Variants in NMRK1 observed in about 807,000 individuals in gnomAD.
NMRK1 encodes the protein NRK 1.
A neutral mutation model predicts 29.9 loss-of-function variants in NMRK1; 28 were observed. That is an observed-to-expected ratio of 0.94 (90% CI 0.69 to 1.28). NMRK1 has a LOEUF of 1.28. Among genes scored for constraint, NMRK1 ranks in the 50% most tolerant of loss-of-function variants. NMRK1 has a pLI of 0.00. For synonymous variants in NMRK1, 58 were observed against 73.0 expected, an observed-to-expected ratio of 0.79 and a Z score of 1.05; for missense variants, 218 against 233.1, an observed-to-expected ratio of 0.94 and a Z score of 0.42.
chr9:75,063,794 G>A (rs1370037953), intron 8 of NMRK1, among the ~76,000 whole-genome samples: 1 of 152,186 alleles, frequency 6.6e-6, no homozygotes, highest in Admixed American at 6.5e-5. Context: ...AGGCTATGCT[G>A]AGGGTACCTT....
chr9:75,065,674 T>G (rs1885468), intron 8 of NMRK1, among the ~76,000 whole-genome samples: 73,145 of 151,842 alleles, frequency 0.48, 18,373 homozygotes, highest in African/African-American at 0.62. Flanking sequence ...ACAAGATGGG[T>G]TATGTGATGT....
intron 4 of NMRK1, among the ~76,000 whole-genome samples, chr9:75,070,694 G>A (rs1042124510): frequency 3.3e-5 from 5 of 152,180 alleles, no homozygotes; most frequent in Admixed American, 6.5e-5. Context: ...CTCCACTCCA[G>A]AACTACTGAA....
In NMRK1 at chr9:75,065,402, A is replaced by G. The variant is rs561498403; in HGVS notation, c.580+1355T>C. ...CCAGGATGGTCTGGATCTCCTGACC[A>G]TCATGATCTGTCTGCCTCGGCCTCC... is the stretch of plus-strand genomic sequence containing the variant. On this transcript the variant is annotated intron_variant, in intron 8 of 8. Transcript: ENST00000361092. Among the ~76,000 whole-genome samples, 50 of 152,132 alleles carry G rather than the reference A, an allele frequency of 3.3e-4. 1 individual carries two copies. In the South Asian group the frequency reaches 9.1e-3, roughly 28 times the overall value.
chr9:75,066,036 C>T (rs1314685376), intron 8 of NMRK1, among the ~76,000 whole-genome samples: 2 of 152,172 alleles, frequency 1.3e-5, no homozygotes, highest in Non-Finnish European at 2.9e-5. Flanking sequence ...AAGCAGAGTC[C>T]TGAGGACCTT....
At chr9:75,077,386 C>G in intron 3 of NMRK1, 104 bp downstream of exon 3, 8 of 973,980 alleles carry the variant, frequency 8.2e-6, no homozygotes, top group Non-Finnish European at 1.3e-5. Context: ...AATTTCAATA[C>G]AAAACGTAAA....
chr9:75,066,520 A>C (rs1270651267), intron 8 of NMRK1, among the ~76,000 whole-genome samples: 1 of 152,200 alleles, frequency 6.6e-6, no homozygotes, highest in Non-Finnish European at 1.5e-5. Flanking sequence ...TAAATCACAT[A>C]AATAGCATTA....
chr9:75,064,263 AT>A (rs1306820471), intron 8 of NMRK1, among the ~76,000 whole-genome samples: 1 of 152,208 alleles, frequency 6.6e-6, no homozygotes, highest in Non-Finnish European at 1.5e-5. Context: ...TCACTTAGTC[AT>A]AAAGGAAAGC....
chr9:75,079,910 C>T (rs185808649), intron 2 of NMRK1, among the ~76,000 whole-genome samples: 47 of 152,290 alleles, frequency 3.1e-4, no homozygotes, highest in Non-Finnish European at 5.7e-4. Flanking sequence ...GCGTGCCCAG[C>T]ATGCATTCTG....
At chr9:75,082,383 A>G (rs1354376230) in intron 2 of NMRK1, among the ~76,000 whole-genome samples, 1 of 152,254 alleles carries the variant, frequency 6.6e-6, no homozygotes, top group Admixed American at 6.5e-5. Context: ...ATGTAATACC[A>G]TAACACAATG....
At chr9:75,085,726 GTTT>G (rs58741153) in intron 1 of NMRK1, among the ~76,000 whole-genome samples, 5 of 85,134 alleles carry the variant, frequency 5.9e-5, no homozygotes, top group African/African-American at 1.3e-4. Flanking sequence ...TCAAATGTAA[GTTT>G]TTTTTTTTTT....
chr9:75,069,016 T>C lies in NMRK1; in HGVS notation c.476A>G (p.Gln159Arg), dbSNP rs1387897964. ...CTTACCAACTTCCCATGTGATGTCC[T>C]GCATTTCTTGTCTGTACTTTAGATA... Reference protein sequence around the residue: ...PMYLKYRQEMQDITWEVVYLD... With the variant: ...PMYLKYRQEMRDITWEVVYLD... Residue 159 changes from glutamine (Q) to arginine (R), a missense_variant, in exon 7 of 9, where the codon CAG (glutamine) becomes CGG (arginine). Transcript: ENST00000361092. The C allele has an allele frequency of 1.2e-6, 2 of 1,613,678 alleles. No homozygotes were observed. The highest frequency in any genetic ancestry group is 8.5e-7 in the Non-Finnish European group (1 of 1,179,552).
intron 1 of NMRK1, among the ~76,000 whole-genome samples, chr9:75,083,739 G>A (rs1824455351): frequency 6.6e-6 from 1 of 152,288 alleles, no homozygotes; most frequent in Admixed American, 6.5e-5. Context: ...GGCCTGGCTA[G>A]GTACATTTTT....
Position 75,069,037 on chromosome 9 carries a change from A to G in NMRK1, c.455T>C (p.Leu152Pro). ...YFDGHVWPMY[L>P]KYRQEMQDIT... ...GTCCTGCATTTCTTGTCTGTACTTTAGATACATGGGCCACACATGGCCATC... is the reference window on the plus strand; with the variant it reads ...GTCCTGCATTTCTTGTCTGTACTTTGGATACATGGGCCACACATGGCCATC... The change falls in exon 7 of 9, where the codon CTA becomes CCA. Residue 152 changes from leucine (L) to proline (P), a missense_variant. Coordinates refer to ENST00000361092, the MANE Select transcript of NMRK1 (RefSeq NM_017881.3). 1 of 1,614,158 alleles carries G rather than the reference A, an allele frequency of 6.2e-7. No individual in the cohort carries two copies. The highest frequency in any genetic ancestry group is 8.5e-7 in the Non-Finnish European group (1 of 1,179,974).
At chr9:75,077,953 T>G (rs1256145927) in intron 2 of NMRK1, among the ~76,000 whole-genome samples, 2 of 152,128 alleles carry the variant, frequency 1.3e-5, no homozygotes, top group African/African-American at 4.8e-5. Flanking sequence ...TTAAAATAAT[T>G]TTTTAAGAGG....
chr9:75,079,904 GC>G (rs1193097777), intron 2 of NMRK1, among the ~76,000 whole-genome samples: 2 of 152,326 alleles, frequency 1.3e-5, no homozygotes, highest in Non-Finnish European at 2.9e-5. Context: ...GGAGAAGCGT[GC>G]CCAGCATGCA....
chr9:75,087,182 G>A (rs933741894), intron 1 of NMRK1, among the ~76,000 whole-genome samples: 4 of 152,160 alleles, frequency 2.6e-5, no homozygotes, highest in Admixed American at 1.3e-4. Flanking sequence ...TGGGATTACA[G>A]ACGTGAAGGG....
chr9:75,081,616 G>A (rs1379615122), intron 2 of NMRK1, among the ~76,000 whole-genome samples: 1 of 152,154 alleles, frequency 6.6e-6, no homozygotes, highest in African/African-American at 2.4e-5. Context: ...GATGAAGGCT[G>A]GATTGGATCC....
intron 8 of NMRK1, among the ~76,000 whole-genome samples, 183 bp downstream of exon 8, chr9:75,066,574 C>A (rs914471312): frequency 1.3e-4 from 15 of 119,622 alleles, no homozygotes; most frequent in Non-Finnish European, 2.1e-4. Context: ...TAAAAACAGA[C>A]AAAATAATTG....
At chr9:75,064,636 C>G (rs2117995875) in intron 8 of NMRK1, among the ~76,000 whole-genome samples, 1 of 152,252 alleles carries the variant, frequency 6.6e-6, no homozygotes, top group East Asian at 1.9e-4. Flanking sequence ...ATGGGCTGAT[C>G]CTGAAATCAA....
Sources: allele counts gnomAD v4.1 joint callset (sites outside exome capture counted in the v4.1 genomes callset), GRCh38; gene constraint gnomAD v4.1.1; transcripts MANE v1.5; gene names NCBI Gene and HGNC (gene_info 2026-07-23, HGNC 2026-07-21).